POU4F3: variants seen among roughly 807,000 people sequenced by gnomAD.
POU4F3 encodes POU domain, class 4, transcription factor 3.
Under a neutral mutation model 22.0 loss-of-function variants are expected in POU4F3, and 7 were observed. The observed-to-expected ratio is 0.32, with a 90% CI of 0.18 to 0.60. The LOEUF is 0.60. Among genes scored for constraint, POU4F3 ranks in the 20% least tolerant of loss-of-function variants. POU4F3 has a pLI of 0.85. For synonymous variants in POU4F3, 220 were observed against 194.5 expected (o/e 1.13, Z -1.09); for missense variants, 457 against 467.4 (o/e 0.98, Z 0.21).
chr5:146,339,757 C>T lies in POU4F3; in HGVS notation c.330C>T (p.Ala110=), dbSNP rs150802201. 9.2e-5 allele frequency: 148 copies of T among 1,613,748 alleles called. No individual in the cohort carries two copies. In the African/African-American group the frequency reaches 1.6e-3, roughly 17 times the overall value. The change falls in exon 2 of 2, where the codon GCC becomes GCT. Residue 110 remains alanine, a synonymous_variant. Transcript: ENST00000646991. The surrounding 1 kb of genome is among the most constrained non-coding windows in gnomAD (Gnocchi z 4.7). ...PAALTSHPHH[A]VHQGLEGDLL... Reference sequence around the variant, plus strand: ...CGCTCACCTCACACCCTCACCACGCCGTGCACCAGGGCCTCGAAGGCGACC... The same window carrying T: ...CGCTCACCTCACACCCTCACCACGCTGTGCACCAGGGCCTCGAAGGCGACC...
At position 146,339,841 on chromosome 5, in the gene POU4F3, G is replaced by C; in HGVS notation, c.414G>C (p.Ser138=). 1 of 1,608,484 alleles carries C rather than the reference G, an allele frequency of 6.2e-7. No individual in the cohort carries two copies. Among genetic ancestry groups the C allele is most frequent in the Non-Finnish European group, 8.5e-7 (1 of 1,179,890 alleles). ...GCGGCCTGGGCGCTCCGGAACACTC[G>C]GTGATGCCCGCACAGATCCATCCAC... ...SVSGLGAPEH[S]VMPAQIHPHH... is the part of the protein sequence containing the mutation. The change falls in exon 2 of 2, where the codon TCG becomes TCC. Residue 138 remains serine, a synonymous_variant. Coordinates refer to ENST00000646991, the MANE Select transcript of POU4F3 (RefSeq NM_002700.3). The surrounding 1 kb of genome is among the most constrained non-coding windows in gnomAD (Gnocchi z 4.7).
At position 146,339,139 on chromosome 5, in the gene POU4F3, T is replaced by C. The variant is rs892281225; in HGVS notation, c.27T>C (p.Pro9=). Residue 9 remains proline, a synonymous_variant, in exon 1 of 2, where the codon CCT becomes CCC. Transcript: ENST00000646991. The surrounding 1 kb of genome is among the most constrained non-coding windows in gnomAD (Gnocchi z 4.7). ...TGATGGCCATGAACTCCAAGCAGCC[T>C]TTCGGCATGCACCCGGTGCTGCAAG... MMAMNSKQ[P]FGMHPVLQEP... The C allele has an allele frequency of 3.1e-6, 5 of 1,614,096 alleles. No individual in the cohort carries two copies. Among genetic ancestry groups the C allele is most frequent in the Non-Finnish European group, 4.2e-6 (5 of 1,180,038 alleles).
chr5:146,338,957 TA>T lies in POU4F3; in HGVS notation c.-154del. 8.1e-7 allele frequency: 1 copy of T among 1,241,156 alleles called. No individual in the cohort carries two copies. Among genetic ancestry groups the T allele is most frequent in the Non-Finnish European group, 1.1e-6 (1 of 877,648 alleles). The allele number at this position is 1,241,156 out of a possible 1,614,324, so 76.9% of individuals were successfully genotyped here. The stretch of plus-strand genomic sequence containing the variant: ...CGGGCCCTTCCTGGCAGGCTGCTTG[TA>T]AGATGAGTGAAGAAGCAGGTGGGGG... On this transcript the variant is annotated 5_prime_UTR_variant, in exon 1 of 2. Transcript: ENST00000646991.
In POU4F3 at chr5:146,339,644, C is replaced by T. The variant is rs576620135; in HGVS notation, c.217C>T (p.Pro73Ser). ...TATCGTCTCCCACGGCAAGAACCAT[C>T]CGTTCAAGCCCGACGCCACCTACCA... ...VDIVSHGKNH[P>S]FKPDATYHTM... The change falls in exon 2 of 2, where the codon CCG (proline) becomes TCG (serine). Residue 73 changes from proline to serine, a missense_variant. Around this residue, in one of 2 missense-constraint regions of POU4F3, gnomAD observed 410 missense variants for 385.0 expected, o/e 1.06. Transcript: ENST00000646991. This position sits in a 1 kb window ranked among gnomAD's most constrained non-coding sequence, Gnocchi z 4.7. 3 of 1,614,236 alleles carry T rather than the reference C, an allele frequency of 1.9e-6. No individual in the cohort carries two copies. Among genetic ancestry groups the T allele is most frequent in the South Asian group, 2.2e-5 (2 of 91,082 alleles).
At position 146,339,079 on chromosome 5, in the gene POU4F3, TG is replaced by T. The variant is rs772341754; in HGVS notation, c.-33del. The T allele has an allele frequency of 1.9e-6, 3 of 1,612,814 alleles. No homozygotes were observed. The Admixed American group carries it at 5.0e-5, about 27-fold the overall frequency. On this transcript the variant is annotated 5_prime_UTR_variant, in exon 1 of 2. It removes an upstream start codon present in the reference 5' UTR. Transcript: ENST00000646991. This position sits in a 1 kb window ranked among gnomAD's most constrained non-coding sequence, Gnocchi z 4.7. ...AGCAAGCTAGACAAGCCTGATTCCA[TG>T]TCACCCGCTGCCACCCTGCCAGGAG...
rs772277063 is a variant in POU4F3 at position 146,340,183 on chromosome 5, G to A, written c.756G>A (p.Leu252=). The A allele has an allele frequency of 1.9e-6, 3 of 1,614,182 alleles. No homozygotes were observed. Among genetic ancestry groups the A allele is most frequent in the Non-Finnish European group, 2.5e-6 (3 of 1,180,046 alleles). Residue 252 remains leucine, a synonymous_variant, in exon 2 of 2, where the codon TTG becomes TTA. Coordinates refer to ENST00000646991, the MANE Select transcript of POU4F3 (RefSeq NM_002700.3). Reference sequence around the variant, plus strand: ...TCAAGCCGGTGCTCCAGGCCTGGTTGGAGGAGGCCGAGGCCGCCTACCGAG... The same window carrying A: ...TCAAGCCGGTGCTCCAGGCCTGGTTAGAGGAGGCCGAGGCCGCCTACCGAG... ...IALKPVLQAW[L]EEAEAAYREK...
At position 146,339,801 on chromosome 5, in the gene POU4F3, C is replaced by G; in HGVS notation, c.374C>G (p.Pro125Arg). ...LEGDLLEHIS[P>R]TLSVSGLGAP... ...GGCGACCTGCTGGAGCACATCTCGC[C>G]CACGCTGAGTGTGAGCGGCCTGGGC... The change falls in exon 2 of 2, where the codon CCC becomes CGC. Residue 125 changes from proline to arginine, a missense_variant. Physicochemically the swap from Pro to Arg is moderately radical, Grantham distance 103. Transcript: ENST00000646991. The surrounding 1 kb of genome is among the most constrained non-coding windows in gnomAD (Gnocchi z 4.7). 1 of 1,611,412 alleles carries G rather than the reference C, an allele frequency of 6.2e-7. No individual in the cohort carries two copies. The highest frequency in any genetic ancestry group is 1.1e-5 in the South Asian group (1 of 91,084).
At position 146,338,870 on chromosome 5, in the gene POU4F3, C is replaced by T. The variant is rs895149142; in HGVS notation, c.-243C>T. 4.6e-6 allele frequency: 3 copies of T among 645,204 alleles called. No homozygotes were observed. Among genetic ancestry groups the T allele is most frequent in the Non-Finnish European group, 8.0e-6 (3 of 374,996 alleles). 40.0% of individuals were successfully genotyped at this position (645,204 alleles called of 1,614,324 possible). On this transcript the variant is annotated 5_prime_UTR_variant, in exon 1 of 2. Transcript: ENST00000646991. Reference sequence around the variant, plus strand: ...AGAAAGGCGCGCCGCTAGCTGCTGTCTCTCCTCACCTCCCGGGCCGCCCCT... The same window carrying T: ...AGAAAGGCGCGCCGCTAGCTGCTGTTTCTCCTCACCTCCCGGGCCGCCCCT...
rs1476589483 is a variant in POU4F3, at chr5:146,340,813, G to T, written c.*369G>T. 2.2e-5 allele frequency: 8 copies of T among 369,886 alleles called. No individual in the cohort carries two copies. Among genetic ancestry groups the T allele is most frequent in the African/African-American group, 1.4e-4 (7 of 48,358 alleles). 22.9% of individuals were successfully genotyped at this position (369,886 alleles called of 1,614,324 possible). On this transcript the variant is annotated 3_prime_UTR_variant, in exon 2 of 2. Coordinates refer to ENST00000646991, the MANE Select transcript of POU4F3 (RefSeq NM_002700.3). ...GAAGCTAGGGTGAAAATGCCACTTTGCTAAGCGCGATTAGGCAAAGGGTGA... is the reference window on the plus strand; with the variant it reads ...GAAGCTAGGGTGAAAATGCCACTTTTCTAAGCGCGATTAGGCAAAGGGTGA...
In POU4F3 at chr5:146,340,263, C is replaced by G. The variant is rs762710510; in HGVS notation, c.836C>G (p.Thr279Arg). ...GGCAGCGAACGGAAGCGCAAACGCA[C>G]GTCCATCGCGGCGCCGGAGAAGCGT... ...FNGSERKRKR[T>R]SIAAPEKRSL... The change falls in exon 2 of 2, where the codon ACG becomes AGG. Residue 279 changes from threonine (T) to arginine (R), a missense_variant. This residue lies in a region of POU4F3 where 47 missense variants were observed against 82.4 expected (regional missense o/e 0.57). Coordinates refer to ENST00000646991, the MANE Select transcript of POU4F3 (RefSeq NM_002700.3). The G allele has an allele frequency of 1.2e-6, 2 of 1,614,186 alleles. No homozygotes were observed. Among genetic ancestry groups the G allele is most frequent in the East Asian group, 2.2e-5 (1 of 44,862 alleles).
In POU4F3 at chr5:146,340,887, AAGGG is replaced by A; in HGVS notation, c.*444_*447del. On this transcript the variant is annotated 3_prime_UTR_variant, in exon 2 of 2. Coordinates refer to ENST00000646991, the MANE Select transcript of POU4F3 (RefSeq NM_002700.3). ...TAATAACACAAAGTCTAGGATATCT[AAGGG>A]GGACACAAACATGCACTGGAGATTT... 1 of 264,958 alleles carries A rather than the reference AAGGG, an allele frequency of 3.8e-6. No individual in the cohort carries two copies. The highest frequency in any genetic ancestry group is 7.4e-6 in the Non-Finnish European group (1 of 135,844). The allele number at this position is 264,958 out of a possible 1,614,324, so 16.4% of individuals were successfully genotyped here.
At position 146,339,361 on chromosome 5, in the gene POU4F3, T is replaced by G; in HGVS notation, c.120+129T>G. On this transcript the variant is annotated intron_variant, in intron 1 of 1. Transcript: ENST00000646991. The surrounding 1 kb of genome is among the most constrained non-coding windows in gnomAD (Gnocchi z 4.7). Reference sequence around the variant, plus strand: ...CTCTCCTTGTCTCCCCCGCGTTCTCTCCCGGCGCGCTCTCTCTCTCATTCA... The same window carrying G: ...CTCTCCTTGTCTCCCCCGCGTTCTCGCCCGGCGCGCTCTCTCTCTCATTCA... 1 of 1,527,154 alleles carries G rather than the reference T, an allele frequency of 6.5e-7. No homozygotes were observed. Among genetic ancestry groups the G allele is most frequent in the Non-Finnish European group, 9.0e-7 (1 of 1,110,558 alleles). 94.6% of individuals were successfully genotyped at this position (1,527,154 alleles called of 1,614,324 possible).
rs1434635981 is a variant in POU4F3 at position 146,340,937 on chromosome 5, T to C, written c.*493T>C. 1 of 206,650 alleles carries C rather than the reference T, an allele frequency of 4.8e-6. No homozygotes were observed. The highest frequency in any genetic ancestry group is 2.3e-5 in the African/African-American group (1 of 43,050). 12.8% of individuals were successfully genotyped at this position (206,650 alleles called of 1,614,324 possible). On this transcript the variant is annotated 3_prime_UTR_variant, in exon 2 of 2. Transcript: ENST00000646991. ...GATTTATTAGAGTATATAAAATACATGTATGTTTCCAAAGGATAGCCTTAT... is the reference window on the plus strand; with the variant it reads ...GATTTATTAGAGTATATAAAATACACGTATGTTTCCAAAGGATAGCCTTAT...
rs1581277929 is a variant in POU4F3 at position 146,339,494 on chromosome 5, T to A, written c.121-54T>A. ...TCGGTTGCTTGAAAATGTGTTTTAA[T>A]CCTGTGTTGACAGTATTCCCTACTG... On this transcript the variant is annotated intron_variant, in intron 1 of 1. Transcript: ENST00000646991. This position sits in a 1 kb window ranked among gnomAD's most constrained non-coding sequence, Gnocchi z 4.7. The A allele has an allele frequency of 1.2e-6, 2 of 1,608,242 alleles. No individual in the cohort carries two copies. Among genetic ancestry groups the A allele is most frequent in the East Asian group, 4.5e-5 (2 of 44,832 alleles).
rs113137300 is a variant in POU4F3 at position 146,339,805 on chromosome 5, G to T, written c.378G>T (p.Thr126=). The T allele has an allele frequency of 6.2e-7, 1 of 1,610,954 alleles. No homozygotes were observed. Among genetic ancestry groups the T allele is most frequent in the Non-Finnish European group, 8.5e-7 (1 of 1,179,910 alleles). ...ACCTGCTGGAGCACATCTCGCCCAC[G>T]CTGAGTGTGAGCGGCCTGGGCGCTC... ...EGDLLEHISP[T]LSVSGLGAPE... Residue 126 remains threonine (T), a synonymous_variant, in exon 2 of 2, where the codon ACG becomes ACT. Transcript: ENST00000646991. The surrounding 1 kb of genome is among the most constrained non-coding windows in gnomAD (Gnocchi z 4.7).
Position 146,339,722 on chromosome 5 carries a change from C to T in POU4F3, c.295C>T (p.His99Tyr), listed in dbSNP as rs756195567. 3.0e-5 allele frequency: 49 copies of T among 1,614,036 alleles called. No homozygotes were observed. In the Admixed American group the frequency reaches 8.0e-4, roughly 26 times the overall value. Residue 99 changes from histidine to tyrosine, a missense_variant, in exon 2 of 2, where the codon CAC (histidine) becomes TAC (tyrosine). Physicochemically the swap from His to Tyr is moderately conservative, Grantham distance 83 (BLOSUM62 2). Coordinates refer to ENST00000646991, the MANE Select transcript of POU4F3 (RefSeq NM_002700.3). This position sits in a 1 kb window ranked among gnomAD's most constrained non-coding sequence, Gnocchi z 4.7. ...CACTTCGTCCACCGTGCCCATCTCC[C>T]ACCCAGCTGCGCTCACCTCACACCC... The part of the protein sequence containing the change: ...TSTSSTVPIS[H>Y]PAALTSHPHH...
In POU4F3 at chr5:146,340,441, C is replaced by G. The variant is rs1434181203; in HGVS notation, c.1014C>G (p.His338Gln). Residue 338 changes from histidine to glutamine, a missense_variant, in exon 2 of 2, where the codon CAC (histidine) becomes CAG (glutamine). His to Gln is a conservative substitution (Grantham distance 24, BLOSUM62 0). This residue lies in a region of POU4F3 where 47 missense variants were observed against 82.4 expected (regional missense o/e 0.57). Transcript: ENST00000646991. ...KQKRMKYSAV[H>Q] The stretch of plus-strand genomic sequence containing the variant: ...AACGAATGAAGTATTCGGCTGTCCA[C>G]TGATTGCGGCAGGGCGCAGCGTCGG... 6.2e-7 allele frequency: 1 copy of G among 1,614,076 alleles called. No homozygotes were observed. Among genetic ancestry groups the G allele is most frequent in the Admixed American group, 1.7e-5 (1 of 60,034 alleles).
Position 146,339,325 on chromosome 5 carries a change from T to C in POU4F3, c.120+93T>C. 3.2e-6 allele frequency: 5 copies of C among 1,584,752 alleles called. No individual in the cohort carries two copies. The highest frequency in any genetic ancestry group is 4.3e-6 in the Non-Finnish European group (5 of 1,156,884). On this transcript the variant is annotated intron_variant, in intron 1 of 1. Transcript: ENST00000646991. The surrounding 1 kb of genome is among the most constrained non-coding windows in gnomAD (Gnocchi z 4.7). ...TCATGTCGCCCAGAACAATCGCCGC[T>C]GTCTGAACCCCTCTCCTTGTCTCCC...
Position 146,338,857 on chromosome 5 carries a change from C to G in POU4F3, c.-256C>G, listed in dbSNP as rs1186290522. On this transcript the variant is annotated 5_prime_UTR_variant, in exon 1 of 2. Transcript: ENST00000646991. ...CCGCCGCGGGCGCAGAAAGGCGCGC[C>G]GCTAGCTGCTGTCTCTCCTCACCTC... 3.2e-6 allele frequency: 2 copies of G among 626,032 alleles called. No homozygotes were observed. Among genetic ancestry groups the G allele is most frequent in the South Asian group, 3.9e-5 (2 of 51,200 alleles). 38.8% of individuals were successfully genotyped at this position (626,032 alleles called of 1,614,324 possible).
Sources: gnomAD v4.1 joint callset for allele counts on GRCh38, gnomAD v4.1.1 for gene constraint, gnomAD v4.1.1 regional missense constraint, Gnocchi (gnomAD v3.1) non-coding constraint, MANE v1.5 for transcripts, NCBI Gene and HGNC (gene_info 2026-07-23, HGNC 2026-07-21) for gene names.